Variants in PTPRD observed in about 807,000 individuals in gnomAD.
The protein encoded by PTPRD is protein tyrosine phosphatase receptor type D, also known as receptor-type tyrosine-protein phosphatase delta.
A neutral mutation model predicts 214.5 loss-of-function variants in PTPRD; 34 were observed. That is an observed-to-expected ratio of 0.16 (90% CI 0.12 to 0.21). The LOEUF is 0.21. Ranked by LOEUF, PTPRD falls within the 10% of genes least tolerant of loss-of-function variation. PTPRD has a pLI of 1.00. For synonymous variants in PTPRD, 1,128 were observed against 845.7 expected (o/e 1.33, Z -5.79); for missense variants, 2,545 against 2,398.7 (o/e 1.06, Z -1.27).
At chr9:10,191,612 CTTTG>C (rs1214427679) in intron 3 of PTPRD, among the ~76,000 whole-genome samples, 7 of 152,066 alleles carry the variant, frequency 4.6e-5, no homozygotes, top group Non-Finnish European at 8.8e-5. Flanking sequence ...TATCCCTATA[CTTTG>C]TTTGTATTGC....
intron 6 of PTPRD, among the ~76,000 whole-genome samples, chr9:9,754,641 T>A (rs182717232): frequency 2.4e-4 from 37 of 152,270 alleles, no homozygotes; most frequent in Non-Finnish European, 3.8e-4. Context: ...TTAAGGGCAC[T>A]ATATTGTTGA....
At chr9:10,064,238 A>T (rs969955459) in intron 3 of PTPRD, among the ~76,000 whole-genome samples, 2 of 151,932 alleles carry the variant, frequency 1.3e-5, no homozygotes, top group African/African-American at 4.8e-5. Flanking sequence ...AGTATGGTGA[A>T]TTGTTTTGAG....
intron 7 of PTPRD, among the ~76,000 whole-genome samples, chr9:9,635,681 T>C (rs372743982): frequency 6.6e-6 from 1 of 152,222 alleles, no homozygotes; most frequent in East Asian, 1.9e-4. Flanking sequence ...AGTCTCAACA[T>C]GGTTCATTTC....
chr9:9,843,969 T>C (rs943233708), intron 5 of PTPRD, among the ~76,000 whole-genome samples: 1 of 151,988 alleles, frequency 6.6e-6, no homozygotes, highest in African/African-American at 2.4e-5. Flanking sequence ...TGGTTTTAAT[T>C]AGAAACATAT....
At chr9:8,642,346 A>C (rs912306185) in intron 12 of PTPRD, among the ~76,000 whole-genome samples, 1 of 152,200 alleles carries the variant, frequency 6.6e-6, no homozygotes, top group Non-Finnish European at 1.5e-5. Context: ...ACTGATTAAC[A>C]TTTCCTTAAA....
chr9:8,510,222 C>A (rs148418760), intron 21 of PTPRD, among the ~76,000 whole-genome samples: 31 of 152,108 alleles, frequency 2.0e-4, no homozygotes, highest in Non-Finnish European at 3.7e-4. Context: ...AGTCCAGGAG[C>A]GTGAGGCTAC....
intron 10 of PTPRD, among the ~76,000 whole-genome samples, chr9:9,100,709 C>T (rs1012675425): frequency 1.3e-5 from 2 of 152,108 alleles, no homozygotes; most frequent in African/African-American, 4.8e-5. Flanking sequence ...GTTCCTGTCT[C>T]AGGAATATTT....
chr9:9,024,334 C>CTTAGTTTTTTTTTTTT (rs1169168298), intron 10 of PTPRD, among the ~76,000 whole-genome samples: 3 of 72,754 alleles, frequency 4.1e-5, no homozygotes, highest in African/African-American at 1.5e-4. Context: ...ATTGTCGATT[C>CTTAGTTTTTTTTTTTT]TTTGTTTTTT....
intron 7 of PTPRD, among the ~76,000 whole-genome samples, chr9:9,600,897 C>A (rs1287972195): frequency 6.6e-6 from 1 of 151,908 alleles, no homozygotes; most frequent in Non-Finnish European, 1.5e-5. Flanking sequence ...TTGTATATTT[C>A]ATGATATGTT....
intron 10 of PTPRD, among the ~76,000 whole-genome samples, chr9:9,030,222 C>T (rs2099600155): frequency 7.0e-6 from 1 of 141,984 alleles, no homozygotes; most frequent in African/African-American, 2.6e-5. Flanking sequence ...TCAGAAACAG[C>T]AGATGTTCCA....
At chr9:9,510,384 T>C (rs2096672139) in intron 8 of PTPRD, among the ~76,000 whole-genome samples, 1 of 151,692 alleles carries the variant, frequency 6.6e-6, no homozygotes, top group South Asian at 2.1e-4. Flanking sequence ...CTTCCCAGCA[T>C]ATATTAGGCA....
chr9:10,569,531 C>CTCTG (rs145886189), intron 2 of PTPRD, among the ~76,000 whole-genome samples: 148 of 149,384 alleles, frequency 9.9e-4, no homozygotes, highest in East Asian at 4.7e-3. Context: ...CTCTCTCTCT[C>CTCTG]TGTGTGTATA....
intron 35 of PTPRD, among the ~76,000 whole-genome samples, chr9:8,425,623 C>G (rs946109995): frequency 2.6e-5 from 4 of 152,102 alleles, no homozygotes; most frequent in Non-Finnish European, 5.9e-5. Context: ...CAATATTGTC[C>G]CACTCCCAAG....
intron 8 of PTPRD, among the ~76,000 whole-genome samples, chr9:9,469,957 G>A (rs942210421): frequency 6.6e-6 from 1 of 152,134 alleles, no homozygotes; most frequent in Non-Finnish European, 1.5e-5. Context: ...AAGAAAGGAG[G>A]TTTTTGCTTT....
chr9:9,941,698 G>C (rs773671116), intron 4 of PTPRD, among the ~76,000 whole-genome samples: 8 of 152,124 alleles, frequency 5.3e-5, no homozygotes, highest in Non-Finnish European at 7.4e-5. Context: ...TTTCCCAAAG[G>C]ACAGATCGGC....
At chr9:9,837,786 A>G (rs1458536688) in intron 5 of PTPRD, among the ~76,000 whole-genome samples, 1 of 151,984 alleles carries the variant, frequency 6.6e-6, no homozygotes, top group Non-Finnish European at 1.5e-5. Flanking sequence ...TTATTATTAT[A>G]CTTTAAGTTT....
intron 3 of PTPRD, among the ~76,000 whole-genome samples, chr9:10,192,482 T>C (rs576229815): frequency 6.7e-6 from 1 of 149,712 alleles, no homozygotes. Flanking sequence ...CTGTTACATT[T>C]TATCACTACA....
intron 10 of PTPRD, among the ~76,000 whole-genome samples, chr9:9,039,574 A>G (rs1364424619): frequency 6.6e-6 from 1 of 152,142 alleles, no homozygotes; most frequent in Non-Finnish European, 1.5e-5. Flanking sequence ...TTTCTGCTAC[A>G]AGAGTTGATC....
intron 8 of PTPRD, among the ~76,000 whole-genome samples, chr9:9,563,267 G>A (rs924780887): frequency 1.3e-5 from 2 of 152,094 alleles, no homozygotes; most frequent in Admixed American, 6.6e-5. Context: ...GCTTAGGTGC[G>A]CTGTGCAAAT....
Sources: allele counts gnomAD v4.1 joint callset (sites outside exome capture counted in the v4.1 genomes callset), GRCh38; gene constraint gnomAD v4.1.1; transcripts MANE v1.5; gene names NCBI Gene and HGNC (gene_info 2026-07-23, HGNC 2026-07-21).